Variants in MGAT4C observed in about 807,000 individuals in gnomAD.
MGAT4C encodes MGAT4 family member C, also known as alpha-1,3-mannosyl-glycoprotein 4-beta-N-acetylglucosaminyltransferase C.
In MGAT4C, 19 loss-of-function variants were observed where a neutral mutation model predicts 40.1. That is an observed-to-expected ratio of 0.47 (90% confidence interval 0.33 to 0.70). The LOEUF (loss-of-function observed/expected upper bound fraction) is 0.70. Ranked by LOEUF, MGAT4C falls within the 30% of genes least tolerant of loss-of-function variation. The pLI is 0.02. For missense variants in MGAT4C, 491 were observed against 563.2 expected (o/e 0.87, Z 1.30); for synonymous variants, 181 against 187.1 (o/e 0.97, Z 0.27).
At chr12:85,986,693 C>A (rs565292893) in intron 3 of MGAT4C, among the ~76,000 whole-genome samples, 34 of 152,150 alleles carry the variant, frequency 2.2e-4, no homozygotes, top group African/African-American at 8.0e-4. Context: ...AAAGAAAGAT[C>A]TACTAATATC....
At position 85,964,882 on chromosome 12, in the gene MGAT4C, T is replaced by A. The variant is rs1883276062; in HGVS notation, c.*14407A>T. The stretch of plus-strand genomic sequence containing the variant: ...TGTGGGCTAATGTCTGAAAGTCCTA[T>A]GATTAAACTCACTTTTATGTAAGAT... On this transcript the variant is annotated 3_prime_UTR_variant, in exon 5 of 5. Coordinates refer to ENST00000611864, the MANE Select transcript of MGAT4C (RefSeq NM_001351288.2). 6.6e-6 allele frequency: 1 copy of A among 152,184 alleles called. No homozygotes were observed. Among genetic ancestry groups the A allele is most frequent in the African/African-American group, 2.4e-5 (1 of 41,430 alleles). The allele number at this position is 152,184 out of a possible 1,614,324, so 9.4% of individuals were successfully genotyped here. A position where few individuals can be genotyped will look rare whatever the true frequency, so the allele number is the denominator to read the frequency against.
intron 2 of MGAT4C, among the ~76,000 whole-genome samples, chr12:86,719,168 C>T (rs61949579): frequency 1.3e-5 from 2 of 152,154 alleles, no homozygotes; most frequent in African/African-American, 2.4e-5. Flanking sequence ...GGTCCACCTT[C>T]GTATCACAAG....
chr12:86,360,719 G>A (rs1489996043), intron 3 of MGAT4C, among the ~76,000 whole-genome samples: 2 of 152,250 alleles, frequency 1.3e-5, no homozygotes, highest in African/African-American at 2.4e-5. Context: ...CAAATCATGA[G>A]TAAACTCTCA....
intron 1 of MGAT4C, among the ~76,000 whole-genome samples, chr12:86,790,652 C>A: frequency 6.6e-6 from 1 of 151,940 alleles, no homozygotes; most frequent in East Asian, 1.9e-4. Flanking sequence ...TGCTAAGCTA[C>A]AGAAAGAAGT....
At chr12:86,223,094 A>G (rs921265392) in intron 1 of MGAT4C, among the ~76,000 whole-genome samples, 3 of 152,166 alleles carry the variant, frequency 2.0e-5, no homozygotes, top group Non-Finnish European at 4.4e-5. Context: ...GCACCTTGCT[A>G]CTATTCTGAG....
intron 2 of MGAT4C, among the ~76,000 whole-genome samples, chr12:86,627,117 G>T (rs1211897994): frequency 1.3e-5 from 2 of 152,012 alleles, no homozygotes; most frequent in Non-Finnish European, 2.9e-5. Flanking sequence ...TTGCTCACTT[G>T]CTAGCTCAGC....
At chr12:86,444,450 A>G (rs1957296649) in intron 2 of MGAT4C, among the ~76,000 whole-genome samples, 1 of 152,106 alleles carries the variant, frequency 6.6e-6, no homozygotes, top group African/African-American at 2.4e-5. Flanking sequence ...TTGACTACCA[A>G]ATTTAGGTCT....
At chr12:86,058,921 CA>C (rs1365241748) in intron 1 of MGAT4C, among the ~76,000 whole-genome samples, 1 of 151,910 alleles carries the variant, frequency 6.6e-6, no homozygotes, top group Non-Finnish European at 1.5e-5. Flanking sequence ...CAAAGATATG[CA>C]CATTTATTTA....
At position 85,959,560 on chromosome 12, in the gene MGAT4C, AG is replaced by A. The variant is rs1386773685; in HGVS notation, c.*19728del. The A allele has an allele frequency of 1.3e-5, 2 of 152,034 alleles. No homozygotes were observed. The highest frequency in any genetic ancestry group is 6.6e-5 in the Admixed American group (1 of 15,248). The allele number at this position is 152,034 out of a possible 1,614,324, so 9.4% of individuals were successfully genotyped here. ...AAATGAATTTTACTACTTTAGACAA[AG>A]GTACAACACTCTATTCAAAAAAGTT... On this transcript the variant is annotated 3_prime_UTR_variant, in exon 5 of 5. Coordinates refer to ENST00000611864, the MANE Select transcript of MGAT4C (RefSeq NM_001351288.2).
intron 2 of MGAT4C, chr12:86,011,837 G>T: frequency 1.0e-6 from 1 of 985,072 alleles, no homozygotes; most frequent in African/African-American, 1.7e-5. Context: ...GTAAAACTTT[G>T]GTCTCAAATT....
intron 3 of MGAT4C, 112 bp from the exon 4 acceptor site, chr12:85,983,782 G>A: frequency 1.2e-6 from 1 of 836,802 alleles, no homozygotes; most frequent in African/African-American, 1.8e-5. Context: ...AGTATGCAGG[G>A]TTATATAAAT....
chr12:86,418,565 T>C (rs1052477129), intron 3 of MGAT4C, among the ~76,000 whole-genome samples: 1 of 151,458 alleles, frequency 6.6e-6, no homozygotes, highest in Non-Finnish European at 1.5e-5. Flanking sequence ...CACTCTAGCC[T>C]GGGCAACAGA....
intron 1 of MGAT4C, among the ~76,000 whole-genome samples, chr12:86,118,206 T>G (rs1438934896): frequency 6.6e-6 from 1 of 152,108 alleles, no homozygotes; most frequent in African/African-American, 2.4e-5. Flanking sequence ...AAAATGCAAC[T>G]CTTTTATGAG....
At chr12:86,631,948 G>A (rs1295497233) in intron 2 of MGAT4C, among the ~76,000 whole-genome samples, 10 of 151,834 alleles carry the variant, frequency 6.6e-5, no homozygotes, top group Admixed American at 4.6e-4. Context: ...CAACAGAATC[G>A]ACCATCAGAG....
At chr12:86,683,513 T>C (rs929072507) in intron 2 of MGAT4C, among the ~76,000 whole-genome samples, 9 of 152,132 alleles carry the variant, frequency 5.9e-5, no homozygotes, top group Admixed American at 2.0e-4. Context: ...GACAAATACT[T>C]GTTCAATCCA....
chr12:86,749,324 T>A (rs1335395231), intron 1 of MGAT4C, among the ~76,000 whole-genome samples: 1 of 151,692 alleles, frequency 6.6e-6, no homozygotes, highest in Non-Finnish European at 1.5e-5. Flanking sequence ...CAGTCTTGTG[T>A]CTTGTTAATT....
chr12:86,810,670 A>G (rs1952454805), intron 1 of MGAT4C, among the ~76,000 whole-genome samples: 1 of 151,970 alleles, frequency 6.6e-6, no homozygotes, highest in African/African-American at 2.4e-5. Flanking sequence ...GCACCGAGAA[A>G]TAAATCCCAC....
chr12:86,588,837 A>G (rs1453741960), intron 2 of MGAT4C, among the ~76,000 whole-genome samples: 8 of 151,970 alleles, frequency 5.3e-5, no homozygotes, highest in Non-Finnish European at 7.4e-5. Flanking sequence ...AGAAATAAAG[A>G]TGTTCTTTGA....
chr12:86,397,462 T>A (rs2136233495), intron 3 of MGAT4C, among the ~76,000 whole-genome samples: 1 of 152,222 alleles, frequency 6.6e-6, no homozygotes, highest in East Asian at 1.9e-4. Context: ...CTTAGATTTT[T>A]CTTTTTTCCT....
Sources: allele counts gnomAD v4.1 joint callset (sites outside exome capture counted in the v4.1 genomes callset), GRCh38; gene constraint gnomAD v4.1.1; transcripts MANE v1.5; gene names NCBI Gene and HGNC (gene_info 2026-07-23, HGNC 2026-07-21).